KCNQ5: variants seen among roughly 807,000 people sequenced by gnomAD.
KCNQ5 encodes potassium voltage-gated channel subfamily Q member 5, also known as potassium voltage-gated channel subfamily KQT member 5.
In KCNQ5, 30 loss-of-function variants were observed where a neutral mutation model predicts 98.2. The observed-to-expected ratio is 0.31, with a 90% CI of 0.23 to 0.41. The LOEUF (loss-of-function observed/expected upper bound fraction) is 0.41. Among genes scored for constraint, KCNQ5 ranks in the 10% least tolerant of loss-of-function variants. The pLI is 1.00. For missense variants in KCNQ5, 835 were observed against 1,182.5 expected (o/e 0.71, Z 4.31); for synonymous variants, 458 against 449.4 (o/e 1.02, Z -0.24).
At chr6:72,883,222 C>T (rs1381239750) in intron 1 of KCNQ5, among the ~76,000 whole-genome samples, 1 of 152,184 alleles carries the variant, frequency 6.6e-6, no homozygotes, top group African/African-American at 2.4e-5. Context: ...GTGATTTTCC[C>T]TCTTACACTG....
At chr6:72,787,291 C>T (rs1199719949) in intron 1 of KCNQ5, among the ~76,000 whole-genome samples, 3 of 152,168 alleles carry the variant, frequency 2.0e-5, no homozygotes, top group Non-Finnish European at 4.4e-5. Flanking sequence ...CACAGCCATA[C>T]TCATTCATTT....
At chr6:72,694,900 A>G (rs1228162765) in intron 1 of KCNQ5, among the ~76,000 whole-genome samples, 2 of 152,202 alleles carry the variant, frequency 1.3e-5, no homozygotes, top group East Asian at 3.9e-4. Flanking sequence ...TGCCATCTTT[A>G]TGGCCATCAG....
intron 5 of KCNQ5, among the ~76,000 whole-genome samples, chr6:73,082,149 G>T (rs1364587229): frequency 6.6e-6 from 1 of 152,218 alleles, no homozygotes; most frequent in Non-Finnish European, 1.5e-5. Context: ...CCTGAGGCCA[G>T]CTGTGGGGAG....
Position 72,788,261 on chromosome 6 carries a change from A to G in KCNQ5, c.398+165674A>G, listed in dbSNP as rs527640280. ...TTATTATAAAATGTGCTAACAAACC[A>G]GAATGTCCAGATTCAAATCCTGACT... On this transcript the variant is annotated intron_variant, in intron 1 of 13. Coordinates refer to ENST00000370398, the MANE Select transcript of KCNQ5 (RefSeq NM_019842.4). 4.6e-5 allele frequency among the ~76,000 whole-genome samples: 7 copies of G among 152,254 alleles called. No homozygotes were observed. The South Asian group carries it at 1.2e-3, about 27-fold the overall frequency.
intron 1 of KCNQ5, among the ~76,000 whole-genome samples, chr6:72,894,534 C>T (rs915495036): frequency 6.6e-6 from 1 of 152,132 alleles, no homozygotes; most frequent in East Asian, 1.9e-4. Flanking sequence ...AAACAAATTT[C>T]TTTGTAGATC....
In KCNQ5 at chr6:72,622,580, G is replaced by A. The variant is rs2098915887; in HGVS notation, c.391G>A (p.Ala131Thr). 1 of 1,612,456 alleles carries A rather than the reference G, an allele frequency of 6.2e-7. No individual in the cohort carries two copies. The highest frequency in any genetic ancestry group is 8.5e-7 in the Non-Finnish European group (1 of 1,179,480). ...CCGCGGCTGGGCGTTCATCTACCAC[G>A]CTTTCGTGTGAGTACCCGCGCCCCC... is the stretch of plus-strand genomic sequence containing the variant. ...RPRGWAFIYH[A>T]FVFLLVFGCL... The change falls in exon 1 of 14, where the codon GCT becomes ACT. Residue 131 changes from alanine (A) to threonine (T), a missense_variant. Physicochemically the swap from Ala to Thr is moderately conservative, Grantham distance 58 (BLOSUM62 0). Coordinates refer to ENST00000370398, the MANE Select transcript of KCNQ5 (RefSeq NM_019842.4). The surrounding 1 kb of genome is among the most constrained non-coding windows in gnomAD (Gnocchi z 6.0).
chr6:72,783,194 T>C (rs1293524409), intron 1 of KCNQ5, among the ~76,000 whole-genome samples: 1 of 152,030 alleles, frequency 6.6e-6, no homozygotes, highest in East Asian at 1.9e-4. Context: ...TAGAGAGAGA[T>C]GGTGGAGGGG....
chr6:72,875,291 A>G (rs1241469442), intron 1 of KCNQ5, among the ~76,000 whole-genome samples: 2 of 152,172 alleles, frequency 1.3e-5, no homozygotes, highest in African/African-American at 4.8e-5. Context: ...AATTTAATTG[A>G]GCATTTTATC....
intron 3 of KCNQ5, among the ~76,000 whole-genome samples, chr6:73,072,257 T>G (rs1773329285): frequency 6.6e-6 from 1 of 152,220 alleles, no homozygotes; most frequent in Non-Finnish European, 1.5e-5. Flanking sequence ...TGTGGCTTAC[T>G]TACCTCGAGA....
intron 1 of KCNQ5, among the ~76,000 whole-genome samples, chr6:72,791,295 G>T (rs552063081): frequency 6.6e-6 from 1 of 151,964 alleles, no homozygotes; most frequent in East Asian, 1.9e-4. Context: ...ACACGTGTGT[G>T]CATGTGCGCA....
intron 3 of KCNQ5, among the ~76,000 whole-genome samples, chr6:73,071,438 T>A (rs1773295078): frequency 6.6e-6 from 1 of 152,160 alleles, no homozygotes; most frequent in Non-Finnish European, 1.5e-5. Context: ...ACCTAAAAAT[T>A]CATTAATAAG....
At chr6:73,002,910 T>TA (rs1350618299) in intron 1 of KCNQ5, among the ~76,000 whole-genome samples, 1 of 152,162 alleles carries the variant, frequency 6.6e-6, no homozygotes, top group East Asian at 1.9e-4. Context: ...GTAAGACTTG[T>TA]AAGACTTTTC....
chr6:73,109,432 T>A (rs933262178), intron 6 of KCNQ5, among the ~76,000 whole-genome samples: 1 of 152,246 alleles, frequency 6.6e-6, no homozygotes, highest in Non-Finnish European at 1.5e-5. Flanking sequence ...CATAAATGCA[T>A]GTATATATAC....
chr6:73,136,915 C>A (rs759378895), intron 10 of KCNQ5, among the ~76,000 whole-genome samples: 5 of 152,194 alleles, frequency 3.3e-5, no homozygotes, highest in Non-Finnish European at 5.9e-5. Context: ...TGCCCATTCA[C>A]TTCTGGGGCT....
At chr6:73,164,101 A>G (rs1389932825) in intron 10 of KCNQ5, among the ~76,000 whole-genome samples, 1 of 152,154 alleles carries the variant, frequency 6.6e-6, no homozygotes, top group Non-Finnish European at 1.5e-5. Context: ...CGTTTTTGTG[A>G]CCAGAAATAT....
rs2098920787 is a variant in KCNQ5 at position 72,631,521 on chromosome 6, A to G, written c.398+8934A>G. On this transcript the variant is annotated intron_variant, in intron 1 of 13. Coordinates refer to ENST00000370398, the MANE Select transcript of KCNQ5 (RefSeq NM_019842.4). Reference sequence around the variant, plus strand: ...TTTCAAAAAAAAATAAAAGTAACCAATTCTGAAATGTAGAGAGTGGTTTAG... The same window carrying G: ...TTTCAAAAAAAAATAAAAGTAACCAGTTCTGAAATGTAGAGAGTGGTTTAG... Among the ~76,000 whole-genome samples, 3 of 152,218 alleles carry G rather than the reference A, an allele frequency of 2.0e-5. No homozygotes were observed. The South Asian group carries it at 6.2e-4, about 32-fold the overall frequency.
intron 1 of KCNQ5, among the ~76,000 whole-genome samples, chr6:72,670,106 A>G (rs1240553733): frequency 6.6e-6 from 1 of 152,170 alleles, no homozygotes; most frequent in African/African-American, 2.4e-5. Context: ...CCTGCTTTCT[A>G]CAAAACACTA....
intron 7 of KCNQ5, among the ~76,000 whole-genome samples, chr6:73,116,967 CA>C (rs991237094): frequency 2.0e-5 from 3 of 152,028 alleles, no homozygotes; most frequent in African/African-American, 7.2e-5. Context: ...AAAATACTCC[CA>C]AAAAAACTGA....
At chr6:72,869,829 G>A (rs1778135214) in intron 1 of KCNQ5, among the ~76,000 whole-genome samples, 1 of 152,224 alleles carries the variant, frequency 6.6e-6, no homozygotes, top group Non-Finnish European at 1.5e-5. Context: ...TGGACATGGG[G>A]TGCACCACAA....
Sources: allele counts gnomAD v4.1 joint callset (sites outside exome capture counted in the v4.1 genomes callset), GRCh38; gene constraint gnomAD v4.1.1; non-coding constraint Gnocchi (gnomAD v3.1); transcripts MANE v1.5; gene names NCBI Gene and HGNC (gene_info 2026-07-23, HGNC 2026-07-21).